ZNF567: variants seen among roughly 807,000 people sequenced by gnomAD.
ZNF567 encodes zinc finger protein 567.
In ZNF567, 36 loss-of-function variants were observed where a neutral mutation model predicts 53.9. The ratio of observed to expected loss-of-function variants is 0.67; its 90% CI spans 0.51 to 0.88. The LOEUF (loss-of-function observed/expected upper bound fraction) is 0.88. Among genes scored for constraint, ZNF567 ranks in the 40% least tolerant of loss-of-function variants. ZNF567 has a pLI of 0.00. For missense variants in ZNF567, 619 were observed against 764.7 expected (o/e 0.81, Z 2.25); for synonymous variants, 224 against 260.4 (o/e 0.86, Z 1.35).
downstream of ZNF567, chr19:36,723,330 T>A (rs970527864): frequency 2.9e-6 from 2 of 692,534 alleles, no homozygotes; most frequent in Non-Finnish European, 2.6e-6. Flanking sequence ...CCACAAAAAA[T>A]AAAAAGTATC....
intron 5 of ZNF567, among the ~76,000 whole-genome samples, chr19:36,718,507 AT>A (rs984369556): frequency 5.3e-5 from 8 of 151,704 alleles, no homozygotes; most frequent in African/African-American, 1.2e-4. Context: ...TCAAAAAAAA[AT>A]AATAATAATT....
At chr19:36,687,017 A>G (rs919290768), upstream of ZNF567, among the ~76,000 whole-genome samples, 2 of 152,176 alleles carry the variant, frequency 1.3e-5, no homozygotes, top group Non-Finnish European at 2.9e-5. Context: ...CATGGATCAT[A>G]GTCCTCACAG....
Position 36,719,198 on chromosome 19 carries a change from A to C in ZNF567, c.474A>C (p.Arg158Ser). 6.2e-7 allele frequency: 1 copy of C among 1,613,792 alleles called. No homozygotes were observed. ...IISNLNPARK[R>S]LSEYNGYGKS... ...GTAATCTAAATCCTGCAAGAAAGAGACTTAGTGAGTATAATGGATATGGGA... is the reference window on the plus strand; with the variant it reads ...GTAATCTAAATCCTGCAAGAAAGAGCCTTAGTGAGTATAATGGATATGGGA... Residue 158 changes from arginine (R) to serine (S), a missense_variant, in exon 6 of 6, where the codon AGA becomes AGC. Physicochemically the swap from Arg to Ser is moderately radical, Grantham distance 110. Coordinates refer to ENST00000682579, the MANE Select transcript of ZNF567 (RefSeq NM_001322917.1).
chr19:36,720,791 C>A lies in ZNF567; in HGVS notation c.*123C>A. The A allele has an allele frequency of 1.2e-6, 1 of 853,870 alleles. No homozygotes were observed. The highest frequency in any genetic ancestry group is 1.7e-6 in the Non-Finnish European group (1 of 594,462). The allele number at this position is 853,870 out of a possible 1,614,324, so 52.9% of individuals were successfully genotyped here. ...ACAAGTCTAATAATTATTAAAGTAC[C>A]ATACGGAATAACTGTCTACTGTTTA... On this transcript the variant is annotated 3_prime_UTR_variant, in exon 6 of 6. Transcript: ENST00000682579.
At chr19:36,699,243 A>G (rs892511294) in intron 3 of ZNF567, among the ~76,000 whole-genome samples, 3 of 152,046 alleles carry the variant, frequency 2.0e-5, no homozygotes, top group Non-Finnish European at 2.9e-5. Flanking sequence ...GATAAGTGGC[A>G]TTATTTCTGA....
At chr19:36,699,955 C>T (rs2145675117) in intron 3 of ZNF567, among the ~76,000 whole-genome samples, 1 of 108,334 alleles carries the variant, frequency 9.2e-6, no homozygotes, top group South Asian at 3.7e-4. Flanking sequence ...ACTTCCAACA[C>T]TATGTTGAAT....
At chr19:36,677,182 G>A in the ZNF567 span, among the ~76,000 whole-genome samples, 1 of 133,146 alleles carries the variant, frequency 7.5e-6, no homozygotes, top group Non-Finnish European at 1.6e-5. Context: ...AAAAAAGGCT[G>A]GGTGTGGTGG....
At chr19:36,696,486 T>G (rs1487640364) in intron 3 of ZNF567, among the ~76,000 whole-genome samples, 1 of 152,206 alleles carries the variant, frequency 6.6e-6, no homozygotes, top group Non-Finnish European at 1.5e-5. Context: ...GAGATTCACC[T>G]CATTGTCTCC....
At chr19:36,692,522 G>C (rs1317301519) in intron 2 of ZNF567, among the ~76,000 whole-genome samples, 1 of 151,982 alleles carries the variant, frequency 6.6e-6, no homozygotes, top group African/African-American at 2.4e-5. Context: ...ACAGGTACAC[G>C]CCCCCATGCT....
the ZNF567 span, among the ~76,000 whole-genome samples, chr19:36,680,618 T>C: frequency 6.6e-6 from 1 of 152,202 alleles, no homozygotes; most frequent in Non-Finnish European, 1.5e-5. Context: ...ACCACAAACT[T>C]GGTAGCTTTA....
In ZNF567 at chr19:36,720,693, C is replaced by A. The variant is rs749314115; in HGVS notation, c.*25C>A. On this transcript the variant is annotated 3_prime_UTR_variant, in exon 6 of 6. Transcript: ENST00000682579. ...AATGATGTGGTTTCTTATATGAATT[C>A]TTTACAAGCTGTTGTAAACATTTAG... 12 of 1,499,136 alleles carry A rather than the reference C, an allele frequency of 8.0e-6. No individual in the cohort carries two copies. In the South Asian group the frequency reaches 1.2e-4, roughly 15 times the overall value. The allele number at this position is 1,499,136 out of a possible 1,614,324, so 92.9% of individuals were successfully genotyped here.
chr19:36,677,880 G>T, the ZNF567 span, among the ~76,000 whole-genome samples: 1 of 152,128 alleles, frequency 6.6e-6, no homozygotes, highest in African/African-American at 2.4e-5. Flanking sequence ...TGGAAGAACT[G>T]ATCTGACATT....
At chr19:36,715,775 C>T (rs1410466848) in intron 5 of ZNF567, among the ~76,000 whole-genome samples, 3 of 148,970 alleles carry the variant, frequency 2.0e-5, no homozygotes, top group African/African-American at 5.0e-5. Context: ...GCAATCTGCC[C>T]GTGTCAGCCT....
Position 36,721,220 on chromosome 19 carries a change from T to G in ZNF567, c.*552T>G, listed in dbSNP as rs371920597. On this transcript the variant is annotated 3_prime_UTR_variant, in exon 6 of 6. Transcript: ENST00000682579. ...TATTGCATGTGGCAGTAGTGTATTT[T>G]CATTTTGCATACTATTCCATTTTAA... 1 of 152,242 alleles carries G rather than the reference T, an allele frequency of 6.6e-6. No individual in the cohort carries two copies. Among genetic ancestry groups the G allele is most frequent in the South Asian group, 2.1e-4 (1 of 4,834 alleles). 9.4% of individuals were successfully genotyped at this position (152,242 alleles called of 1,614,324 possible). A position where few individuals can be genotyped will look rare whatever the true frequency, so the allele number is the denominator to read the frequency against.
In ZNF567 at chr19:36,720,027, A is replaced by G. The variant is rs2040240984; in HGVS notation, c.1303A>G (p.Thr435Ala). 6.2e-7 allele frequency: 1 copy of G among 1,612,458 alleles called. No homozygotes were observed. The highest frequency in any genetic ancestry group is 1.1e-5 in the South Asian group (1 of 91,016). Reference sequence around the variant, plus strand: ...TGGGAAATCCTTCTCCCAGAAGACAACCCTTGCTCTTCATGAGAAAACTCA... The same window carrying G: ...TGGGAAATCCTTCTCCCAGAAGACAGCCCTTGCTCTTCATGAGAAAACTCA... The part of the protein sequence containing the change: ...ECGKSFSQKT[T>A]LALHEKTHNE... The change falls in exon 6 of 6, where the codon ACC becomes GCC. Residue 435 changes from threonine (T) to alanine (A), a missense_variant. By Grantham distance (58) the Thr-to-Ala change is moderately conservative. Transcript: ENST00000682579.
chr19:36,720,088 G>A lies in ZNF567; in HGVS notation c.1364G>A (p.Gly455Glu), dbSNP rs2040243442. ...EEKPYICSEC[G>E]KSFRQKTTLV... Reference sequence around the variant, plus strand: ...AAACCCTATATTTGTAGTGAATGTGGAAAGTCCTTCCGCCAGAAGACAACC... The same window carrying A: ...AAACCCTATATTTGTAGTGAATGTGAAAAGTCCTTCCGCCAGAAGACAACC... The change falls in exon 6 of 6, where the codon GGA becomes GAA. Residue 455 changes from glycine to glutamate, a missense_variant. By Grantham distance (98) the Gly-to-Glu change is moderately conservative. Coordinates refer to ENST00000682579, the MANE Select transcript of ZNF567 (RefSeq NM_001322917.1). The A allele has an allele frequency of 6.2e-7, 1 of 1,613,978 alleles. No individual in the cohort carries two copies. The highest frequency in any genetic ancestry group is 1.3e-5 in the African/African-American group (1 of 74,898).
At chr19:36,674,912 C>T in the ZNF567 span, among the ~76,000 whole-genome samples, 12 of 152,010 alleles carry the variant, frequency 7.9e-5, no homozygotes, top group Non-Finnish European at 1.5e-4. Context: ...CACCAACATG[C>T]CTGGCTAATT....
chr19:36,705,958 G>A (rs951811900), intron 3 of ZNF567, among the ~76,000 whole-genome samples: 2 of 152,030 alleles, frequency 1.3e-5, no homozygotes, highest in Non-Finnish European at 2.9e-5. Flanking sequence ...ATGATTGTAT[G>A]GTATCTTTGT....
chr19:36,681,419 C>G, the ZNF567 span, among the ~76,000 whole-genome samples: 3 of 151,822 alleles, frequency 2.0e-5, no homozygotes, highest in Non-Finnish European at 1.5e-5. Context: ...GGGTCTTTCC[C>G]TTGACATTAA....
Sources: gnomAD v4.1 joint callset for allele counts (sites outside exome capture counted in the v4.1 genomes callset) on GRCh38, gnomAD v4.1.1 for gene constraint, MANE v1.5 for transcripts, NCBI Gene and HGNC (gene_info 2026-07-23, HGNC 2026-07-21) for gene names.